The following RCOR3 variants were observed in gnomAD, a reference collection of about 807,000 sequenced individuals.
RCOR3 encodes REST corepressor 3.
In RCOR3, 13 loss-of-function variants were observed where a neutral mutation model predicts 64.1. The ratio of observed to expected loss-of-function variants is 0.20; its 90% CI spans 0.13 to 0.32. The LOEUF (loss-of-function observed/expected upper bound fraction) is 0.32, where lower values mean the gene tolerates loss of function less well. Among genes scored for constraint, RCOR3 ranks in the 10% least tolerant of loss-of-function variants. The pLI is 1.00. For synonymous variants in RCOR3, 215 were observed against 239.0 expected (o/e 0.90, Z 0.93); for missense variants, 489 against 701.2 (o/e 0.70, Z 3.42).
In RCOR3 at chr1:211,314,666, A is replaced by G. The variant is rs1701776558; in HGVS notation, c.*898A>G. ...TTGCCTACATCTGGGGACTTCAGAG[A>G]AGAATTATATTTTGTTAGTTAAGTA... On this transcript the variant is annotated 3_prime_UTR_variant, in exon 12 of 12. Coordinates refer to ENST00000419091, the MANE Select transcript of RCOR3 (RefSeq NM_001136223.3). The G allele has an allele frequency of 6.6e-6, 1 of 152,162 alleles. No homozygotes were observed. The highest frequency in any genetic ancestry group is 1.5e-5 in the Non-Finnish European group (1 of 68,006). 9.4% of individuals were successfully genotyped at this position (152,162 alleles called of 1,614,324 possible). A position where few individuals can be genotyped will look rare whatever the true frequency, so the allele number is the denominator to read the frequency against.
At chr1:211,260,277 G>GC in intron 2 of RCOR3, 113 bp downstream of exon 2, 1 of 916,868 alleles carries the variant, frequency 1.1e-6, no homozygotes, top group Non-Finnish European at 1.7e-6. Flanking sequence ...GTTGGGCTGG[G>GC]CAGGCATCCG....
At chr1:211,311,349 C>T (rs190084774) in intron 10 of RCOR3, among the ~76,000 whole-genome samples, 39 of 152,240 alleles carry the variant, frequency 2.6e-4, no homozygotes, top group Middle Eastern at 3.4e-3. Context: ...ACCCAAAACT[C>T]TACCTTAAAA....
rs1415141011 is a variant in RCOR3 at position 211,259,677 on chromosome 1, G to C, written c.117G>C (p.Gly39=). Residue 39 remains glycine (G), a synonymous_variant, in exon 1 of 12, where the codon GGG becomes GGC. Coordinates refer to ENST00000419091, the MANE Select transcript of RCOR3 (RefSeq NM_001136223.3). ...GGSGASSTNG[G]LHYSEPESGC... ...GCGGCGCCTCGTCCACCAACGGCGG[G>C]CTGCACTACTCAGAGCCCGAGAGCG... 1 of 1,545,922 alleles carries C rather than the reference G, an allele frequency of 6.5e-7. No homozygotes were observed. The highest frequency in any genetic ancestry group is 2.5e-5 in the East Asian group (1 of 40,524).
intron 2 of RCOR3, chr1:211,261,175 A>G (rs115225155): frequency 2.2e-4 from 33 of 152,074 alleles, no homozygotes; most frequent in African/African-American, 7.0e-4. Context: ...TTGGATTTCT[A>G]TGTTAGATAT....
chr1:211,262,851 A>T (rs1245642781), intron 2 of RCOR3, among the ~76,000 whole-genome samples: 2 of 135,182 alleles, frequency 1.5e-5, no homozygotes, highest in East Asian at 2.2e-4. Context: ...AGCTATTTTT[A>T]TCTTTATTTT....
chr1:211,305,908 T>G (rs567690707), intron 10 of RCOR3, among the ~76,000 whole-genome samples: 1 of 152,180 alleles, frequency 6.6e-6, no homozygotes, highest in Non-Finnish European at 1.5e-5. Flanking sequence ...TACTGAGGTA[T>G]ATTCAGTATT....
chr1:211,280,674 C>A (rs907344525), intron 7 of RCOR3, among the ~76,000 whole-genome samples: 10 of 152,086 alleles, frequency 6.6e-5, no homozygotes, highest in Non-Finnish European at 1.3e-4. Flanking sequence ...AAAGTATGTT[C>A]AAGTCTTCCA....
At chr1:211,295,539 C>A in intron 8 of RCOR3, 137 bp from the exon 9 acceptor site, 1 of 677,738 alleles carries the variant, frequency 1.5e-6, no homozygotes, top group Non-Finnish European at 2.6e-6. Context: ...TGTCATACCC[C>A]AAGTGTGATT....
At chr1:211,277,348 T>C in intron 5 of RCOR3, among the ~76,000 whole-genome samples, 1 of 152,054 alleles carries the variant, frequency 6.6e-6, no homozygotes, top group Non-Finnish European at 1.5e-5. Context: ...GAGAACATTT[T>C]TGGTGGGGAA....
chr1:211,261,997 G>A (rs78359235), intron 2 of RCOR3, among the ~76,000 whole-genome samples: 18,326 of 126,034 alleles, frequency 0.15, 1,796 homozygotes, highest in African/African-American at 0.22. Context: ...CAAGCCACAG[G>A]CTTTCCCTGA....
intron 9 of RCOR3, chr1:211,303,168 T>TG: frequency 6.6e-6 from 1 of 152,346 alleles, no homozygotes; most frequent in Admixed American, 6.5e-5. Context: ...TTTCTCTCCT[T>TG]AATTCTAACT....
At chr1:211,306,547 A>G (rs1385567442) in intron 10 of RCOR3, among the ~76,000 whole-genome samples, 1 of 152,188 alleles carries the variant, frequency 6.6e-6, no homozygotes, top group African/African-American at 2.4e-5. Flanking sequence ...GTAGAAGACT[A>G]TTACAGTGAC....
At chr1:211,295,152 T>C (rs1699736851) in intron 8 of RCOR3, among the ~76,000 whole-genome samples, 1 of 151,462 alleles carries the variant, frequency 6.6e-6, no homozygotes, top group African/African-American at 2.4e-5. Context: ...CATGAGCTAC[T>C]GTACCTGGCT....
intron 7 of RCOR3, among the ~76,000 whole-genome samples, chr1:211,284,451 T>A (rs1698251961): frequency 6.6e-6 from 1 of 152,148 alleles, no homozygotes; most frequent in African/African-American, 2.4e-5. Flanking sequence ...TCTTTTTACA[T>A]TGAAGTCCTT....
In RCOR3 at chr1:211,313,198, T is replaced by G. The variant is rs1044463577; in HGVS notation, c.1318-226T>G. On this transcript the variant is annotated intron_variant, in intron 11 of 11. Coordinates refer to ENST00000419091, the MANE Select transcript of RCOR3 (RefSeq NM_001136223.3). The surrounding 1 kb of genome is among the most constrained non-coding windows in gnomAD (Gnocchi z 4.7). ...ATAGTCTTATTTTTATTTTCAGTGTTAAGCTGTTTACAAATAAAGATGCCT... is the reference window on the plus strand; with the variant it reads ...ATAGTCTTATTTTTATTTTCAGTGTGAAGCTGTTTACAAATAAAGATGCCT... 5 of 1,433,618 alleles carry G rather than the reference T, an allele frequency of 3.5e-6. No homozygotes were observed. Among genetic ancestry groups the G allele is most frequent in the Non-Finnish European group, 4.5e-6 (5 of 1,100,878 alleles). The allele number at this position is 1,433,618 out of a possible 1,614,324, so 88.8% of individuals were successfully genotyped here. A position where few individuals can be genotyped will look rare whatever the true frequency, so the allele number is the denominator to read the frequency against.
intron 10 of RCOR3, among the ~76,000 whole-genome samples, chr1:211,309,563 C>G (rs12116749): frequency 0.49 from 74,977 of 152,082 alleles, 21,124 homozygotes; most frequent in East Asian, 0.62. Context: ...GGGAAACTTA[C>G]TATTTGCCTG....
intron 9 of RCOR3, 95 bp from the exon 10 acceptor site, chr1:211,303,988 C>G (rs1571991834): frequency 1.5e-6 from 1 of 669,700 alleles, no homozygotes; most frequent in African/African-American, 1.9e-5. Context: ...GTAGTAATCT[C>G]ATGTCTGTGA....
chr1:211,273,805 G>A (rs773436885), intron 3 of RCOR3, among the ~76,000 whole-genome samples: 1 of 152,116 alleles, frequency 6.6e-6, no homozygotes, highest in Non-Finnish European at 1.5e-5. Context: ...AATGGTAAAG[G>A]CTTTGGATCA....
intron 8 of RCOR3, among the ~76,000 whole-genome samples, chr1:211,290,224 A>C (rs1430911839): frequency 6.6e-6 from 1 of 152,008 alleles, no homozygotes; most frequent in African/African-American, 2.4e-5. Context: ...GTGACTTCTG[A>C]ATCTTATTTC....
Sources: gnomAD v4.1 joint callset for allele counts (sites outside exome capture counted in the v4.1 genomes callset) on GRCh38, gnomAD v4.1.1 for gene constraint, Gnocchi (gnomAD v3.1) non-coding constraint, MANE v1.5 for transcripts, NCBI Gene and HGNC (gene_info 2026-07-23, HGNC 2026-07-21) for gene names.